Variants in HERC5 observed in about 807,000 individuals in gnomAD.
HERC5 encodes HECT and RLD domain containing E3 ubiquitin protein ligase 5.
A neutral mutation model predicts 119.6 loss-of-function variants in HERC5; 99 were observed. The observed-to-expected ratio is 0.83, with a 90% CI of 0.70 to 0.98. The LOEUF is 0.98. Ranked by LOEUF, HERC5 falls within the 50% of genes least tolerant of loss-of-function variation. The pLI is 0.00. For synonymous variants in HERC5, 478 were observed against 445.9 expected (o/e 1.07, Z -0.91); for missense variants, 1,267 against 1,241.3 (o/e 1.02, Z -0.31).
intron 11 of HERC5, 55 bp downstream of exon 11, chr4:88,472,557 G>T (rs922499975): frequency 1.3e-5 from 13 of 1,030,460 alleles, no homozygotes; most frequent in Non-Finnish European, 1.9e-5. Flanking sequence ...TTTCTTAAAA[G>T]AACTCAAAAT....
rs1740543831 is a variant in HERC5, at chr4:88,463,896, A to G, written c.822A>G (p.Gln274=). 6.2e-7 allele frequency: 1 copy of G among 1,613,866 alleles called. No homozygotes were observed. The highest frequency in any genetic ancestry group is 1.3e-5 in the African/African-American group (1 of 74,860). Residue 274 remains glutamine, a synonymous_variant, in exon 6 of 23, where the codon CAA becomes CAG. Coordinates refer to ENST00000264350, the MANE Select transcript of HERC5 (RefSeq NM_016323.4). ...LFTFGAGKHG[Q]LGHNSTQNEL... ...CTTTCGGTGCTGGAAAACATGGGCAACTTGGTCATAATTCAACACAGAATG... is the reference window on the plus strand; with the variant it reads ...CTTTCGGTGCTGGAAAACATGGGCAGCTTGGTCATAATTCAACACAGAATG...
chr4:88,466,089 GT>G (rs1299764703), intron 6 of HERC5, among the ~76,000 whole-genome samples: 384 of 140,468 alleles, frequency 2.7e-3, no homozygotes, highest in East Asian at 4.5e-3. Flanking sequence ...TGGTTTGGTG[GT>G]TTTTTTTTTT....
chr4:88,476,532 G>GT (rs1741071668), intron 12 of HERC5, among the ~76,000 whole-genome samples: 1 of 152,194 alleles, frequency 6.6e-6, no homozygotes, highest in African/African-American at 2.4e-5. Flanking sequence ...TGTGCTTTCT[G>GT]TTTATGTACA....
chr4:88,485,831 A>G (rs1262242705), intron 13 of HERC5, among the ~76,000 whole-genome samples: 2 of 151,140 alleles, frequency 1.3e-5, no homozygotes, highest in African/African-American at 2.4e-5. Context: ...GGGATATTGC[A>G]TTGTTTTTTT....
chr4:88,486,395 T>G (rs770609007), intron 14 of HERC5, among the ~76,000 whole-genome samples, 167 bp downstream of exon 14: 30 of 152,184 alleles, frequency 2.0e-4, no homozygotes, highest in Non-Finnish European at 3.2e-4. Flanking sequence ...GAAAAGTGAT[T>G]GGCACCTTGG....
At chr4:88,494,441 A>C in intron 18 of HERC5, 110 bp downstream of exon 18, 3 of 898,228 alleles carry the variant, frequency 3.3e-6, no homozygotes, top group Non-Finnish European at 5.1e-6. Context: ...CATTTTAGGT[A>C]CTTTAGACCA....
At chr4:88,475,055 T>A (rs1025009326) in intron 11 of HERC5, among the ~76,000 whole-genome samples, 1 of 151,640 alleles carries the variant, frequency 6.6e-6, no homozygotes. Context: ...TAGAGACAGT[T>A]GCTCTTATGG....
At chr4:88,481,044 C>A (rs1373110187) in intron 13 of HERC5, among the ~76,000 whole-genome samples, 1 of 151,532 alleles carries the variant, frequency 6.6e-6, no homozygotes, top group East Asian at 2.0e-4. Flanking sequence ...TTTTAAACTT[C>A]TTTTCTCCCA....
At chr4:88,494,469 A>C (rs756696421) in intron 18 of HERC5, 138 bp downstream of exon 18, 33 of 720,928 alleles carry the variant, frequency 4.6e-5, no homozygotes, top group Non-Finnish European at 7.3e-5. Flanking sequence ...CTTTGACAAG[A>C]ATTGTTGGAT....
chr4:88,494,062 AGATTT>A, intron 17 of HERC5, 98 bp from the exon 18 acceptor site: 1 of 700,202 alleles, frequency 1.4e-6, no homozygotes. Context: ...TTTCAATTTG[AGATTT>A]GATTTTATGA....
At chr4:88,461,594 T>C (rs1740446099) in intron 3 of HERC5, among the ~76,000 whole-genome samples, 1 of 152,238 alleles carries the variant, frequency 6.6e-6, no homozygotes, top group African/African-American at 2.4e-5. Context: ...CTCTATCAGA[T>C]AACATCTAAG....
At chr4:88,476,708 G>A (rs775716888) in intron 12 of HERC5, among the ~76,000 whole-genome samples, 10 of 151,938 alleles carry the variant, frequency 6.6e-5, no homozygotes, top group Admixed American at 2.6e-4. Context: ...ATCACCTGAG[G>A]TCAGGAGTTC....
chr4:88,479,621 C>A, intron 13 of HERC5, 114 bp downstream of exon 13: 3 of 713,154 alleles, frequency 4.2e-6, no homozygotes, highest in Non-Finnish European at 6.2e-6. Flanking sequence ...GTTTATATTG[C>A]TATTTTTTTA....
Position 88,488,717 on chromosome 4 carries a change from T to C in HERC5, c.1963-449T>C, listed in dbSNP as rs886930902. 1.8e-4 allele frequency among the ~76,000 whole-genome samples: 27 copies of C among 152,218 alleles called. No individual in the cohort carries two copies. In the East Asian group the frequency reaches 3.1e-3, roughly 17 times the overall value. On this transcript the variant is annotated intron_variant, in intron 15 of 22. Transcript: ENST00000264350. The stretch of plus-strand genomic sequence containing the variant: ...TCCTGGAGTAGGCTCTTTGGTGACA[T>C]CTCTCATAACCTGGATTTTTTTTCC...
intron 11 of HERC5, 147 bp downstream of exon 11, chr4:88,472,649 G>A (rs1249130615): frequency 1.5e-6 from 1 of 648,336 alleles, no homozygotes; most frequent in Non-Finnish European, 2.8e-6. Context: ...ATAACATTTA[G>A]GAGTTTGCCC....
intron 1 of HERC5, among the ~76,000 whole-genome samples, chr4:88,458,766 T>C (rs895007054): frequency 1.3e-5 from 2 of 152,218 alleles, no homozygotes; most frequent in African/African-American, 2.4e-5. Flanking sequence ...GTGGACAGTT[T>C]AATCTCTTAA....
chr4:88,503,079 C>T (rs1371961624), intron 20 of HERC5, among the ~76,000 whole-genome samples: 3 of 152,078 alleles, frequency 2.0e-5, no homozygotes, highest in African/African-American at 4.8e-5. Flanking sequence ...GAATACTTCC[C>T]TATCCTAGGG....
chr4:88,489,423 T>A, intron 16 of HERC5, 87 bp downstream of exon 16: 1 of 1,215,930 alleles, frequency 8.2e-7, no homozygotes, highest in Non-Finnish European at 1.1e-6. Context: ...AGAGAGGAAG[T>A]TATCTTCCTT....
Position 88,462,282 on chromosome 4 carries a change from CCT to C in HERC5, c.615_616del (p.Leu206IlefsTer13). 6.2e-7 allele frequency: 1 copy of C among 1,614,162 alleles called. No individual in the cohort carries two copies. Among genetic ancestry groups the C allele is most frequent in the South Asian group, 1.1e-5 (1 of 91,080 alleles). ...TCTGCCGGAGAAGCCCACAGCATGG[CCT>C]TATCCATGTCTGGCAACATTTATTC... On this transcript the variant is annotated frameshift_variant, in exon 4 of 23. Transcript: ENST00000264350. LOFTEE classifies it high-confidence loss of function.
Sources: gnomAD v4.1 joint callset for allele counts (sites outside exome capture counted in the v4.1 genomes callset) on GRCh38, gnomAD v4.1.1 for gene constraint, MANE v1.5 for transcripts, NCBI Gene and HGNC (gene_info 2026-07-23, HGNC 2026-07-21) for gene names.